Variants in PRDM5 observed in about 807,000 individuals in gnomAD.
PRDM5 encodes the protein PR/SET domain 5, also known as PR domain zinc finger protein 5.
PRDM5 carries 56 observed loss-of-function variants against 81.2 expected under a neutral mutation model. The observed-to-expected ratio is 0.69, with a 90% CI of 0.56 to 0.86. The LOEUF (loss-of-function observed/expected upper bound fraction) is 0.86, where lower values mean the gene tolerates loss of function less well. Among genes scored for constraint, PRDM5 ranks in the 40% least tolerant of loss-of-function variants. PRDM5 has a pLI of 0.00. For missense variants in PRDM5, 697 were observed against 770.1 expected (o/e 0.91, Z 1.12); for synonymous variants, 267 against 256.4 (o/e 1.04, Z -0.39).
chr4:120,790,990 T>C (rs568242292), intron 10 of PRDM5, among the ~76,000 whole-genome samples: 6 of 152,206 alleles, frequency 3.9e-5, no homozygotes, highest in African/African-American at 1.4e-4. Context: ...ATTTTACTCA[T>C]CACTGATAAA....
At chr4:120,862,305 C>T (rs1409803804) in intron 2 of PRDM5, among the ~76,000 whole-genome samples, 1 of 152,130 alleles carries the variant, frequency 6.6e-6, no homozygotes, top group Admixed American at 6.5e-5. Flanking sequence ...AGTTCCTTTA[C>T]TCAATTTATA....
chr4:120,881,063 A>T (rs1579095136), intron 2 of PRDM5, among the ~76,000 whole-genome samples: 2 of 152,284 alleles, frequency 1.3e-5, no homozygotes, highest in African/African-American at 2.4e-5. Context: ...AATTTTTTTT[A>T]TGTGTAAAAA....
At position 120,742,244 on chromosome 4, in the gene PRDM5, A is replaced by C. The variant is rs1338106246; in HGVS notation, c.1623+12309T>G. Reference sequence around the variant, plus strand: ...TTGTCTGTTAGAAGGAAAACTAACAAACAGAAAGGACATCCACACCAAAAA... The same window carrying C: ...TTGTCTGTTAGAAGGAAAACTAACACACAGAAAGGACATCCACACCAAAAA... On this transcript the variant is annotated intron_variant, in intron 14 of 15. Coordinates refer to ENST00000264808, the MANE Select transcript of PRDM5 (RefSeq NM_018699.4). Among the ~76,000 whole-genome samples the C allele has an allele frequency of 3.3e-5, 5 of 152,334 alleles. No individual in the cohort carries two copies. The East Asian group carries it at 7.7e-4, about 24-fold the overall frequency.
chr4:120,718,459 A>G (rs538026280), intron 14 of PRDM5, among the ~76,000 whole-genome samples: 15 of 152,342 alleles, frequency 9.8e-5, no homozygotes, highest in African/African-American at 3.6e-4. Flanking sequence ...TCATCAGATA[A>G]TTATTTCCTA....
chr4:120,887,055 C>G lies in PRDM5; in HGVS notation c.177+20419G>C, dbSNP rs565900059. On this transcript the variant is annotated intron_variant, in intron 2 of 15. Transcript: ENST00000264808. ...CCACTTCCTGGGTTCAAGCGATTTT[C>G]CTGCCTCAGCCTCCCAAGTAGCTGG... is the stretch of plus-strand genomic sequence containing the variant. 8.4e-4 allele frequency among the ~76,000 whole-genome samples: 127 copies of G among 152,082 alleles called. 1 individual carries two copies. The highest frequency in any genetic ancestry group is 4.5e-3 in the East Asian group (23 of 5,164).
chr4:120,878,569 G>T (rs1335046614), intron 2 of PRDM5, among the ~76,000 whole-genome samples: 1 of 152,110 alleles, frequency 6.6e-6, no homozygotes, highest in Non-Finnish European at 1.5e-5. Flanking sequence ...TGGTAAGTTT[G>T]ACTTTATTAA....
rs534406799 is a variant in PRDM5, at chr4:120,723,008, G to A, written c.1624-12595C>T. ...CTTAATATAAATCCTCATCTTTTAA[G>A]GCCCTTTCAGTTGGGCTTTTGGTTA... On this transcript the variant is annotated intron_variant, in intron 14 of 15. Coordinates refer to ENST00000264808, the MANE Select transcript of PRDM5 (RefSeq NM_018699.4). Among the ~76,000 whole-genome samples the A allele has an allele frequency of 2.6e-5, 4 of 152,308 alleles. No individual in the cohort carries two copies. The South Asian group carries it at 8.3e-4, about 32-fold the overall frequency.
At chr4:120,748,050 T>C (rs745630334) in intron 14 of PRDM5, among the ~76,000 whole-genome samples, 4 of 152,228 alleles carry the variant, frequency 2.6e-5, no homozygotes, top group Non-Finnish European at 5.9e-5. Context: ...CCTAACTCAA[T>C]GAGTGACTGT....
At chr4:120,752,723 C>T (rs1031671165) in intron 14 of PRDM5, among the ~76,000 whole-genome samples, 7 of 152,106 alleles carry the variant, frequency 4.6e-5, no homozygotes, top group African/African-American at 1.7e-4. Context: ...GTCTTTGTAG[C>T]CAGTCTCCCT....
chr4:120,787,392 C>T (rs1749912781), intron 10 of PRDM5, among the ~76,000 whole-genome samples: 1 of 152,122 alleles, frequency 6.6e-6, no homozygotes, highest in Admixed American at 6.6e-5. Flanking sequence ...GTCTTTTATT[C>T]TAAGAGAGAT....
intron 3 of PRDM5, chr4:120,839,046 C>G (rs1198886280): frequency 1.7e-6 from 1 of 572,802 alleles, no homozygotes; most frequent in African/African-American, 1.9e-5. Flanking sequence ...ACAGCTGACA[C>G]CAGGGAACAC....
intron 14 of PRDM5, among the ~76,000 whole-genome samples, chr4:120,714,946 C>T (rs1737536038): frequency 2.0e-5 from 3 of 152,250 alleles, no homozygotes; most frequent in African/African-American, 7.2e-5. Flanking sequence ...GAAAGCTTTC[C>T]CTAGCCAGCA....
intron 12 of PRDM5, among the ~76,000 whole-genome samples, chr4:120,778,079 T>C (rs1460843080): frequency 6.6e-6 from 1 of 152,130 alleles, no homozygotes; most frequent in African/African-American, 2.4e-5. Flanking sequence ...CAAGTCCCAG[T>C]GTTTCTCAAA....
At position 120,757,541 on chromosome 4, in the gene PRDM5, T is replaced by C. The variant is rs544100434; in HGVS notation, c.1538-2903A>G. Among the ~76,000 whole-genome samples the C allele has an allele frequency of 8.5e-5, 13 of 152,302 alleles. No individual in the cohort carries two copies. The South Asian group carries it at 2.3e-3, about 27-fold the overall frequency. ...TAGCTGGTAAAACATTATTTCTGGG[T>C]CTGTGAGGGTGTGTCCAGAAGAGAT... is the stretch of plus-strand genomic sequence containing the variant. On this transcript the variant is annotated intron_variant, in intron 13 of 15. Coordinates refer to ENST00000264808, the MANE Select transcript of PRDM5 (RefSeq NM_018699.4).
rs530986365 is a variant in PRDM5 at position 120,750,721 on chromosome 4, C to T, written c.1623+3832G>A. Among the ~76,000 whole-genome samples the T allele has an allele frequency of 5.2e-3, 786 of 150,688 alleles. 4 individuals carry two copies. The highest frequency in any genetic ancestry group is 0.017 in the Middle Eastern group (5 of 290). On this transcript the variant is annotated intron_variant, in intron 14 of 15. Transcript: ENST00000264808. ...ACACACACACACACACACACACACG[C>T]GCACACAAAACAGACATTCAATCAA... is the stretch of plus-strand genomic sequence containing the variant.
intron 13 of PRDM5, among the ~76,000 whole-genome samples, chr4:120,774,553 G>A (rs1193160368): frequency 6.6e-6 from 1 of 152,154 alleles, no homozygotes; most frequent in Non-Finnish European, 1.5e-5. Flanking sequence ...TGAGGGACAG[G>A]ACAAAGCAAA....
chr4:120,854,693 T>C (rs1759669883), intron 2 of PRDM5, among the ~76,000 whole-genome samples: 2 of 151,916 alleles, frequency 1.3e-5, no homozygotes, highest in African/African-American at 4.8e-5. Context: ...TATAATTTCG[T>C]GTAAAGATGA....
intron 14 of PRDM5, among the ~76,000 whole-genome samples, chr4:120,717,371 T>C (rs933029992): frequency 6.6e-6 from 1 of 152,190 alleles, no homozygotes; most frequent in African/African-American, 2.4e-5. Context: ...GCAGATTTCA[T>C]TCAAAAGGTA....
chr4:120,746,249 G>C (rs1030917085), intron 14 of PRDM5, among the ~76,000 whole-genome samples: 1 of 133,264 alleles, frequency 7.5e-6, no homozygotes, highest in Non-Finnish European at 1.6e-5. Flanking sequence ...GCTGAAACTG[G>C]ATCCCTTCCT....
Sources: gnomAD v4.1 joint callset for allele counts (sites outside exome capture counted in the v4.1 genomes callset) on GRCh38, gnomAD v4.1.1 for gene constraint, MANE v1.5 for transcripts, NCBI Gene and HGNC (gene_info 2026-07-23, HGNC 2026-07-21) for gene names.